The following PKNOX2 variants were observed in gnomAD, a reference collection of about 807,000 sequenced individuals.
PKNOX2 encodes homeobox protein PKNOX2.
A neutral mutation model predicts 53.1 loss-of-function variants in PKNOX2; 14 were observed. That is an observed-to-expected ratio of 0.26 (90% CI 0.17 to 0.41). The LOEUF is 0.41. Among genes scored for constraint, PKNOX2 ranks in the 10% least tolerant of loss-of-function variants. The probability of loss-of-function intolerance (pLI) is 1.00; values close to 1 mark genes in which losing one functional copy is unlikely to be tolerated. For synonymous variants in PKNOX2, 257 were observed against 242.8 expected, an observed-to-expected ratio of 1.06 and a Z score of -0.54; for missense variants, 496 against 602.8, an observed-to-expected ratio of 0.82 and a Z score of 1.85.
intron 2 of PKNOX2, among the ~76,000 whole-genome samples, chr11:125,259,457 G>A (rs534957841): frequency 6.6e-6 from 1 of 152,140 alleles, no homozygotes; most frequent in Non-Finnish European, 1.5e-5. Context: ...ATCACTCCCC[G>A]AGTGATTTTA....
At chr11:125,182,323 G>A (rs1956201473) in intron 1 of PKNOX2, among the ~76,000 whole-genome samples, 1 of 152,182 alleles carries the variant, frequency 6.6e-6, no homozygotes, top group Admixed American at 6.5e-5. Context: ...ACTAAAGGCT[G>A]TCCCATTGCT....
intron 4 of PKNOX2, among the ~76,000 whole-genome samples, chr11:125,356,728 C>T (rs902594508): frequency 7.9e-5 from 12 of 152,364 alleles, no homozygotes; most frequent in Admixed American, 7.2e-4. Context: ...ACCATCCCCA[C>T]TCCAGGTGGG....
At chr11:125,293,562 C>G (rs1392801093) in intron 2 of PKNOX2, among the ~76,000 whole-genome samples, 2 of 152,204 alleles carry the variant, frequency 1.3e-5, no homozygotes, top group African/African-American at 4.8e-5. Flanking sequence ...CATCTGGCAG[C>G]CTTGCCATCT....
intron 2 of PKNOX2, chr11:125,258,955 C>A: frequency 7.1e-6 from 2 of 280,796 alleles, no homozygotes; most frequent in South Asian, 2.9e-5. Flanking sequence ...AACCCTAGTT[C>A]ATCATGGTCT....
At chr11:125,231,718 T>TG (rs1432042594) in intron 1 of PKNOX2, among the ~76,000 whole-genome samples, 5 of 151,436 alleles carry the variant, frequency 3.3e-5, no homozygotes, top group African/African-American at 7.3e-5. Context: ...CAGGTGTGTG[T>TG]GGGGGGTGTG....
chr11:125,386,521 C>T (rs932713316), intron 6 of PKNOX2, among the ~76,000 whole-genome samples: 3 of 152,122 alleles, frequency 2.0e-5, no homozygotes, highest in Non-Finnish European at 4.4e-5. Flanking sequence ...GAATTATTAA[C>T]CACAATTCTT....
chr11:125,367,760 C>T, intron 4 of PKNOX2, 86 bp from the exon 5 acceptor site: 1 of 1,439,900 alleles, frequency 6.9e-7, no homozygotes, highest in South Asian at 1.4e-5. Flanking sequence ...GGGCACAGCA[C>T]AGGCCAAGGC....
At chr11:125,193,138 G>T (rs978328121) in intron 1 of PKNOX2, among the ~76,000 whole-genome samples, 2 of 152,186 alleles carry the variant, frequency 1.3e-5, no homozygotes, top group African/African-American at 2.4e-5. Context: ...GCTTTATAAA[G>T]CTCTTAAATT....
rs768450663 is a variant in PKNOX2 at position 125,410,228 on chromosome 11, C to T, written c.621C>T (p.Ser207=). 1.9e-5 allele frequency: 31 copies of T among 1,613,902 alleles called. No individual in the cohort carries two copies. The highest frequency in any genetic ancestry group is 2.7e-5 in the African/African-American group (2 of 74,872). Residue 207 remains serine, a synonymous_variant, in exon 8 of 13, where the codon TCC becomes TCT. Transcript: ENST00000298282. ...DLLQNSPNSM[S]GVSNNPQGIV... ...TGCAGAATTCCCCCAATTCCATGTC[C>T]GGAGTCTCCAATAACCCCCAGGGGA...
intron 1 of PKNOX2, among the ~76,000 whole-genome samples, chr11:125,173,723 A>G (rs2186891): frequency 0.26 from 39,892 of 152,098 alleles, 5,409 homozygotes; most frequent in East Asian, 0.3. Context: ...GAGTGGGGGC[A>G]GCGAGGCTGC....
chr11:125,344,092 T>C (rs1297698728), intron 3 of PKNOX2, among the ~76,000 whole-genome samples: 1 of 152,094 alleles, frequency 6.6e-6, no homozygotes, highest in Non-Finnish European at 1.5e-5. Flanking sequence ...ATCATGCTGC[T>C]TGTGTGCCCA....
chr11:125,174,820 C>T (rs899870071), intron 1 of PKNOX2, among the ~76,000 whole-genome samples: 3 of 152,076 alleles, frequency 2.0e-5, no homozygotes, highest in South Asian at 4.1e-4. Flanking sequence ...GCCCAAATAG[C>T]GGTGGTGGAA....
intron 1 of PKNOX2, among the ~76,000 whole-genome samples, chr11:125,217,207 T>C (rs1025670839): frequency 8.5e-5 from 13 of 152,104 alleles, no homozygotes; most frequent in African/African-American, 3.1e-4. Flanking sequence ...GGAGCTTCTC[T>C]CTCCACTCTT....
intron 2 of PKNOX2, among the ~76,000 whole-genome samples, chr11:125,314,628 G>A (rs1030090297): frequency 3.3e-5 from 5 of 152,164 alleles, no homozygotes; most frequent in African/African-American, 1.2e-4. Flanking sequence ...GATGCCCACA[G>A]CTGGGAGCAG....
rs149436242 is a variant in PKNOX2, at chr11:125,230,963, C to T, written c.-200-4082C>T. ...CTCTTAACCTCAATGATACACCATGCTAGCAAGAGACTTAGTGCCCTCTCT... is the reference window on the plus strand; with the variant it reads ...CTCTTAACCTCAATGATACACCATGTTAGCAAGAGACTTAGTGCCCTCTCT... On this transcript the variant is annotated intron_variant, in intron 1 of 12. Coordinates refer to ENST00000298282, the MANE Select transcript of PKNOX2 (RefSeq NM_001382323.2). 4.5e-3 allele frequency among the ~76,000 whole-genome samples: 681 copies of T among 152,270 alleles called. 7 individuals carry two copies. Among genetic ancestry groups the T allele is most frequent in the African/African-American group, 0.016 (656 of 41,540 alleles).
chr11:125,331,408 C>T (rs1282097169), intron 2 of PKNOX2, among the ~76,000 whole-genome samples: 1 of 151,192 alleles, frequency 6.6e-6, no homozygotes, highest in Non-Finnish European at 1.5e-5. Context: ...AACTTATCCA[C>T]ACTCCTGGCA....
At chr11:125,260,221 T>A (rs1250429214) in intron 2 of PKNOX2, among the ~76,000 whole-genome samples, 1 of 151,840 alleles carries the variant, frequency 6.6e-6, no homozygotes, top group Admixed American at 6.6e-5. Flanking sequence ...TTTTGTGAGA[T>A]GAAGTCTCGC....
chr11:125,297,832 G>A (rs1332837818), intron 2 of PKNOX2, among the ~76,000 whole-genome samples: 1 of 152,158 alleles, frequency 6.6e-6, no homozygotes, highest in Non-Finnish European at 1.5e-5. Flanking sequence ...CTCCTCGCCA[G>A]GATGAGCCTG....
At chr11:125,386,768 C>T (rs949752072) in intron 6 of PKNOX2, among the ~76,000 whole-genome samples, 6 of 132,332 alleles carry the variant, frequency 4.5e-5, no homozygotes, top group Middle Eastern at 3.5e-3. Context: ...TCTGCAGAAC[C>T]GGTGTAACTG....
Sources: allele counts gnomAD v4.1 joint callset (sites outside exome capture counted in the v4.1 genomes callset), GRCh38; gene constraint gnomAD v4.1.1; transcripts MANE v1.5; gene names NCBI Gene and HGNC (gene_info 2026-07-23, HGNC 2026-07-21).